IL6ST: variants seen among roughly 807,000 people sequenced by gnomAD.
The protein encoded by IL6ST is interleukin 6 cytokine family signal transducer, also known as interleukin-6 receptor subunit beta.
IL6ST carries 24 observed loss-of-function variants against 91.3 expected under a neutral mutation model. The ratio of observed to expected loss-of-function variants is 0.26; its 90% CI spans 0.19 to 0.37. The LOEUF (loss-of-function observed/expected upper bound fraction) is 0.37, where lower values mean the gene tolerates loss of function less well. IL6ST is among the 10% of genes least tolerant of loss of function. The pLI is 1.00. For synonymous variants in IL6ST, 351 were observed against 373.6 expected (o/e 0.94, Z 0.70); for missense variants, 914 against 1,078.5 (o/e 0.85, Z 2.14).
intron 1 of IL6ST, among the ~76,000 whole-genome samples, chr5:55,992,403 G>C (rs1754385672): frequency 6.6e-6 from 1 of 152,118 alleles, no homozygotes; most frequent in African/African-American, 2.4e-5. Flanking sequence ...ATGACCTTTA[G>C]ATCTACCACT....
In IL6ST at chr5:55,947,589, G is replaced by C; in HGVS notation, c.1841C>G (p.Ala614Gly). 3.4e-6 allele frequency: 2 copies of C among 585,556 alleles called. No individual in the cohort carries two copies. The highest frequency in any genetic ancestry group is 5.3e-6 in the Non-Finnish European group (2 of 380,552). 36.3% of individuals were successfully genotyped at this position (585,556 alleles called of 1,614,324 possible). ...PEFTFTTPKF[A>G]QGEIEAIVVP... ...GACTATGGCTTCAATTTCTCCTTGA[G>C]CTTAAAAAAAAAAAAAAAAAAAAAA... The change falls in exon 15 of 17, where the codon GCT becomes GGT. Residue 614 changes from alanine (A) to glycine (G), a missense_variant and splice_region_variant. Coordinates refer to ENST00000381298, the MANE Select transcript of IL6ST (RefSeq NM_002184.4).
intron 1 of IL6ST, among the ~76,000 whole-genome samples, chr5:55,991,972 C>T (rs1007710353): frequency 6.6e-6 from 1 of 152,210 alleles, no homozygotes; most frequent in Admixed American, 6.5e-5. Flanking sequence ...TCCCTACTAA[C>T]CATCCCTGTA....
At chr5:55,988,560 A>C (rs1342947593) in intron 1 of IL6ST, among the ~76,000 whole-genome samples, 1 of 152,030 alleles carries the variant, frequency 6.6e-6, no homozygotes, top group African/African-American at 2.4e-5. Context: ...TGAGGTTGGG[A>C]GTTCGAGACC....
intron 10 of IL6ST, among the ~76,000 whole-genome samples, chr5:55,955,302 A>G (rs1373636510): frequency 6.6e-6 from 1 of 152,206 alleles, no homozygotes; most frequent in African/African-American, 2.4e-5. Context: ...TACTAAAAAT[A>G]CAAAATTAGC....
At chr5:55,972,317 C>T (rs1209279827) in intron 3 of IL6ST, among the ~76,000 whole-genome samples, 2 of 151,382 alleles carry the variant, frequency 1.3e-5, no homozygotes, top group East Asian at 2.0e-4. Flanking sequence ...TCAAGGCCAT[C>T]GTGGCTAACA....
chr5:55,957,182 A>G lies in IL6ST; in HGVS notation c.1056+27T>C, dbSNP rs761507249. On this transcript the variant is annotated intron_variant, in intron 9 of 16. Transcript: ENST00000381298. ...AAAAAAAAAAAAAAAGATTTATAAG[A>G]GATAAAATATAAATGTGATTTTTTA... 9 of 1,112,500 alleles carry G rather than the reference A, an allele frequency of 8.1e-6. No homozygotes were observed. In the African/African-American group the frequency reaches 9.7e-5, roughly 12 times the overall value. 68.9% of individuals were successfully genotyped at this position (1,112,500 alleles called of 1,614,324 possible). A position where few individuals can be genotyped will look rare whatever the true frequency, so the allele number is the denominator to read the frequency against.
chr5:55,948,203 A>G (rs1428862586), intron 14 of IL6ST, among the ~76,000 whole-genome samples: 1 of 152,182 alleles, frequency 6.6e-6, no homozygotes, highest in Non-Finnish European at 1.5e-5. Context: ...TAAAAAGTAA[A>G]CAAGCCTAAG....
chr5:55,954,325 A>G (rs1751827823), intron 11 of IL6ST, among the ~76,000 whole-genome samples: 1 of 152,180 alleles, frequency 6.6e-6, no homozygotes, highest in African/African-American at 2.4e-5. Context: ...TAACACACAG[A>G]CTGGAGCGCT....
At chr5:55,975,457 A>G (rs10066245) in intron 3 of IL6ST, among the ~76,000 whole-genome samples, 36,605 of 151,990 alleles carry the variant, frequency 0.24, 6,916 homozygotes, top group African/African-American at 0.53. Context: ...AGAACTGTGA[A>G]TCAATTAAAC....
intron 5 of IL6ST, among the ~76,000 whole-genome samples, chr5:55,967,921 G>A (rs1473733815): frequency 1.3e-5 from 2 of 151,996 alleles, no homozygotes; most frequent in Non-Finnish European, 1.5e-5. Context: ...CTCAACCTCC[G>A]AGTCACTGGG....
chr5:55,981,367 G>A (rs550576980), intron 2 of IL6ST, among the ~76,000 whole-genome samples: 14 of 152,248 alleles, frequency 9.2e-5, no homozygotes, highest in East Asian at 3.9e-4. Flanking sequence ...AATTATGGCC[G>A]GGTGCGGTGG....
intron 7 of IL6ST, 83 bp downstream of exon 7, chr5:55,963,269 G>A: frequency 1.0e-6 from 1 of 964,810 alleles, no homozygotes; most frequent in East Asian, 2.6e-5. Flanking sequence ...GAAACTTAAA[G>A]ACATTTAGAA....
chr5:55,992,085 A>G (rs1198513737), intron 1 of IL6ST, among the ~76,000 whole-genome samples: 1 of 152,196 alleles, frequency 6.6e-6, no homozygotes, highest in Admixed American at 6.5e-5. Flanking sequence ...TGTGCACTAC[A>G]AACTGCTTTT....
intron 4 of IL6ST, 22 bp downstream of exon 4, chr5:55,969,528 A>G (rs775268190): frequency 2.6e-6 from 4 of 1,551,768 alleles, no homozygotes; most frequent in Non-Finnish European, 2.7e-6. Context: ...AAAGTCTGAA[A>G]TAAGACAAAA....
Position 55,956,129 on chromosome 5 carries a change from G to A in IL6ST, c.1163C>T (p.Thr388Ile), listed in dbSNP as rs1206923478. The change falls in exon 10 of 17, where the codon ACA becomes ATA. Residue 388 changes from threonine (T) to isoleucine (I), a missense_variant. Coordinates refer to ENST00000381298, the MANE Select transcript of IL6ST (RefSeq NM_002184.4). ...ATAGCGATCATTTGTGAGATTTACTGTCAGTTTTGTGGCATTAACTGTGTA... is the reference window on the plus strand; with the variant it reads ...ATAGCGATCATTTGTGAGATTTACTATCAGTTTTGTGGCATTAACTGTGTA... ...QNYTVNATKL[T>I]VNLTNDRYLA... 1.9e-6 allele frequency: 3 copies of A among 1,610,410 alleles called. No individual in the cohort carries two copies. The African/African-American group carries it at 4.0e-5, about 22-fold the overall frequency.
intron 5 of IL6ST, among the ~76,000 whole-genome samples, chr5:55,966,704 T>C (rs1184252554): frequency 6.6e-6 from 1 of 152,020 alleles, no homozygotes; most frequent in African/African-American, 2.4e-5. Flanking sequence ...CATAGATAAA[T>C]AGGTGATAAA....
rs944588454 is a variant in IL6ST at position 55,935,176 on chromosome 5, A to G, written c.*5906T>C. 2.8e-5 allele frequency: 5 copies of G among 179,606 alleles called. No homozygotes were observed. In the East Asian group the frequency reaches 3.7e-4, roughly 13 times the overall value. The allele number at this position is 179,606 out of a possible 1,614,324, so 11.1% of individuals were successfully genotyped here. On this transcript the variant is annotated 3_prime_UTR_variant, in exon 17 of 17. Coordinates refer to ENST00000381298, the MANE Select transcript of IL6ST (RefSeq NM_002184.4). ...ACCATGTTATCCCAGAAAGACTACA[A>G]TTTCATACAGAATGCACAGATGTTT...
At chr5:55,965,841 G>C (rs7732862) in intron 5 of IL6ST, among the ~76,000 whole-genome samples, 1 of 147,542 alleles carries the variant, frequency 6.8e-6, no homozygotes, top group East Asian at 2.0e-4. Context: ...AAGGATGAAT[G>C]AGCCAATTTG....
At chr5:55,967,685 A>G (rs1000365054) in intron 5 of IL6ST, among the ~76,000 whole-genome samples, 1 of 152,276 alleles carries the variant, frequency 6.6e-6, no homozygotes, top group African/African-American at 2.4e-5. Flanking sequence ...TCTCTTCAAG[A>G]CAATATAGGC....
Sources: gnomAD v4.1 joint callset for allele counts (sites outside exome capture counted in the v4.1 genomes callset) on GRCh38, gnomAD v4.1.1 for gene constraint, MANE v1.5 for transcripts, NCBI Gene and HGNC (gene_info 2026-07-23, HGNC 2026-07-21) for gene names.